The following CUX1 variants were observed in gnomAD, a reference collection of about 807,000 sequenced individuals.
The protein encoded by CUX1 is cut like homeobox 1.
A neutral mutation model predicts 158.8 loss-of-function variants in CUX1; 31 were observed. The ratio of observed to expected loss-of-function variants is 0.20; its 90% CI spans 0.15 to 0.26. CUX1 has a LOEUF of 0.26. Among genes scored for constraint, CUX1 ranks in the 10% least tolerant of loss-of-function variants. The pLI, the probability that CUX1 is intolerant of heterozygous loss-of-function variation, is 1.00. For synonymous variants in CUX1, 879 were observed against 862.1 expected, an observed-to-expected ratio of 1.02 and a Z score of -0.34; for missense variants, 1,589 against 2,014.6, an observed-to-expected ratio of 0.79 and a Z score of 4.04.
intron 6 of CUX1, among the ~76,000 whole-genome samples, chr7:102,107,931 A>G (rs1310687511): frequency 6.6e-6 from 1 of 152,246 alleles, no homozygotes; most frequent in Non-Finnish European, 1.5e-5. Context: ...GCGGCAGGGC[A>G]CAGACTCCAG....
chr7:102,281,973 C>A lies in CUX1; in HGVS notation c.1902+53C>A, dbSNP rs528085175. On this transcript the variant is annotated intron_variant, in intron 21 of 22. Transcript: ENST00000292538. ...GCACATTCACCATCCCCAGCCCTGA[C>A]CTCCAGGGCAGCAGGGGCCTGTTAC... 1.7e-4 allele frequency: 215 copies of A among 1,265,654 alleles called. No homozygotes were observed. The Admixed American group carries it at 3.4e-3, about 20-fold the overall frequency. The allele number at this position is 1,265,654 out of a possible 1,614,324, so 78.4% of individuals were successfully genotyped here. A position where few individuals can be genotyped will look rare whatever the true frequency, so the allele number is the denominator to read the frequency against.
intron 2 of CUX1, among the ~76,000 whole-genome samples, chr7:102,003,936 T>A (rs1450783531): frequency 6.6e-6 from 1 of 152,092 alleles, no homozygotes; most frequent in Admixed American, 6.5e-5. Context: ...AGGCCAGGGG[T>A]TTAGAACCAG....
At chr7:101,958,630 A>C (rs992055010) in intron 2 of CUX1, among the ~76,000 whole-genome samples, 4 of 150,970 alleles carry the variant, frequency 2.6e-5, no homozygotes, top group African/African-American at 9.7e-5. Flanking sequence ...ACAGGTGCGC[A>C]CCACCATGCC....
chr7:101,907,950 A>G (rs1016419818), intron 1 of CUX1, among the ~76,000 whole-genome samples: 2 of 152,080 alleles, frequency 1.3e-5, no homozygotes, highest in Admixed American at 1.3e-4. Context: ...CAAGACTTCC[A>G]TCTATTAAAG....
At chr7:101,928,993 A>G (rs192316361) in intron 2 of CUX1, among the ~76,000 whole-genome samples, 1 of 151,770 alleles carries the variant, frequency 6.6e-6, no homozygotes, top group East Asian at 2.0e-4. Context: ...AAAGTTATAA[A>G]TGTGACGGAG....
intron 1 of CUX1, among the ~76,000 whole-genome samples, chr7:101,896,710 C>T (rs1276020397): frequency 2.0e-5 from 3 of 152,044 alleles, no homozygotes; most frequent in African/African-American, 7.3e-5. Flanking sequence ...ATTAACAGGT[C>T]TTAAATGGGA....
intron 1 of CUX1, among the ~76,000 whole-genome samples, chr7:101,822,976 G>A (rs539052524): frequency 6.6e-6 from 1 of 151,632 alleles, no homozygotes; most frequent in Admixed American, 6.6e-5. Context: ...AAAAGCTAAT[G>A]CCTCTCTAAT....
In CUX1 at chr7:102,249,221, AGGCCCAGATCCAAGGCCGC is replaced by A. The variant is rs1349335298; in HGVS notation, c.*188_*206del. The A allele has an allele frequency of 9.1e-7, 1 of 1,097,978 alleles. No homozygotes were observed. The highest frequency in any genetic ancestry group is 5.1e-5 in the Admixed American group (1 of 19,422). 68.0% of individuals were successfully genotyped at this position (1,097,978 alleles called of 1,614,324 possible). A position where few individuals can be genotyped will look rare whatever the true frequency, so the allele number is the denominator to read the frequency against. On this transcript the variant is annotated 3_prime_UTR_variant, in exon 24 of 24. Transcript: ENST00000292535. ...ACGGTCCGCGGCCTGCACCGACCCG[AGGCCCAGATCCAAGGCCGC>A]GGCCCAGACCCACTCTGCGGCCCGG...
Position 101,906,772 on chromosome 7 carries a change from C to T in CUX1, c.31-9343C>T, listed in dbSNP as rs553596724. 3.9e-5 allele frequency among the ~76,000 whole-genome samples: 6 copies of T among 152,164 alleles called. No homozygotes were observed. In the South Asian group the frequency reaches 6.2e-4, roughly 16 times the overall value. ...GCTTTTTGTCTCCTTTTCCTCATTGCGAGCCTAGGCCTGTATGGGGTGGTG... is the reference window on the plus strand; with the variant it reads ...GCTTTTTGTCTCCTTTTCCTCATTGTGAGCCTAGGCCTGTATGGGGTGGTG... On this transcript the variant is annotated intron_variant, in intron 1 of 23. Transcript: ENST00000292535.
intron 23 of CUX1, among the ~76,000 whole-genome samples, chr7:102,245,131 C>T (rs1199954911): frequency 6.6e-6 from 1 of 152,212 alleles, no homozygotes; most frequent in Non-Finnish European, 1.5e-5. Context: ...CAGCCTTGAA[C>T]TCCCAGGCTC....
chr7:102,012,377 G>A (rs1818137390), intron 2 of CUX1, among the ~76,000 whole-genome samples: 1 of 151,910 alleles, frequency 6.6e-6, no homozygotes, highest in East Asian at 1.9e-4. Flanking sequence ...TAGTAGAAAC[G>A]GGGTTTCACC....
intron 2 of CUX1, among the ~76,000 whole-genome samples, chr7:101,966,921 A>G (rs567455183): frequency 6.6e-6 from 1 of 152,052 alleles, no homozygotes; most frequent in African/African-American, 2.4e-5. Flanking sequence ...GCTCCAGGAC[A>G]CCCCCATCCA....
chr7:102,119,183 T>C (rs1365278333), intron 8 of CUX1, among the ~76,000 whole-genome samples: 1 of 152,212 alleles, frequency 6.6e-6, no homozygotes, highest in Non-Finnish European at 1.5e-5. Flanking sequence ...TATGCGTTTC[T>C]GAAATTAACG....
chr7:102,233,642 C>A (rs1799224802), intron 21 of CUX1, among the ~76,000 whole-genome samples: 1 of 152,128 alleles, frequency 6.6e-6, no homozygotes, highest in African/African-American at 2.4e-5. Flanking sequence ...CAAAAATTAG[C>A]CAGGCGTGGT....
At chr7:102,132,328 C>CG (rs1379227055) in intron 8 of CUX1, among the ~76,000 whole-genome samples, 4 of 1,360 alleles carry the variant, frequency 2.9e-3, no homozygotes, top group South Asian at 0.026. Context: ...CGCGCGCACG[C>CG]CACGCACACA....
At chr7:101,984,144 ATATATGTGTGTGTG>A (rs1157548295) in intron 2 of CUX1, among the ~76,000 whole-genome samples, 4 of 88,448 alleles carry the variant, frequency 4.5e-5, no homozygotes, top group African/African-American at 1.2e-4. Flanking sequence ...ACACACATAT[ATATATGTGTGTGTG>A]TGTGTGTGTG....
intron 1 of CUX1, among the ~76,000 whole-genome samples, chr7:101,829,523 A>G (rs1245567997): frequency 2.6e-5 from 4 of 151,982 alleles, no homozygotes; most frequent in Non-Finnish European, 5.9e-5. Context: ...GAGCTCCAGG[A>G]GTGTTTTTCC....
intron 1 of CUX1, among the ~76,000 whole-genome samples, chr7:101,829,871 GC>G (rs1196367063): frequency 1.3e-5 from 2 of 152,036 alleles, no homozygotes; most frequent in South Asian, 4.1e-4. Context: ...GCTGTAAGGA[GC>G]CCCCCTGTTG....
At chr7:101,835,462 C>T (rs568853142) in intron 1 of CUX1, among the ~76,000 whole-genome samples, 10 of 152,232 alleles carry the variant, frequency 6.6e-5, no homozygotes, top group East Asian at 5.8e-4. Context: ...TGTGAACATT[C>T]GTGTACAAAT....
Sources: gnomAD v4.1 joint callset for allele counts (sites outside exome capture counted in the v4.1 genomes callset) on GRCh38, gnomAD v4.1.1 for gene constraint, MANE v1.5 for transcripts, NCBI Gene and HGNC (gene_info 2026-07-23, HGNC 2026-07-21) for gene names.